ROCK1: variants seen among roughly 807,000 people sequenced by gnomAD.
ROCK1 encodes the protein rho-associated protein kinase 1.
Under a neutral mutation model 196.8 loss-of-function variants are expected in ROCK1, and 36 were observed. The observed-to-expected ratio is 0.18, with a 90% confidence interval of 0.14 to 0.24. The LOEUF is 0.24. Among genes scored for constraint, ROCK1 ranks in the 10% least tolerant of loss-of-function variants. ROCK1 has a pLI of 1.00. For synonymous variants in ROCK1, 443 were observed against 515.9 expected (o/e 0.86, Z 1.91); for missense variants, 920 against 1,562.0 (o/e 0.59, Z 6.93).
intron 2 of ROCK1, among the ~76,000 whole-genome samples, chr18:21,067,865 CTT>C (rs1266993894): frequency 6.6e-6 from 1 of 152,098 alleles, no homozygotes; most frequent in Non-Finnish European, 1.5e-5. Flanking sequence ...ACATTTTTAA[CTT>C]TTATATTTTC....
At chr18:21,018,951 G>A (rs1450198632) in intron 12 of ROCK1, among the ~76,000 whole-genome samples, 1 of 152,006 alleles carries the variant, frequency 6.6e-6, no homozygotes. Flanking sequence ...AAATAAACGT[G>A]AGCATAACTC....
chr18:21,008,928 G>A (rs1437896672), intron 13 of ROCK1, among the ~76,000 whole-genome samples: 2 of 152,130 alleles, frequency 1.3e-5, no homozygotes, highest in Non-Finnish European at 2.9e-5. Flanking sequence ...ACTGGTATAA[G>A]GAGTGTATGA....
chr18:21,026,221 G>C lies in ROCK1; in HGVS notation c.1212-2541C>G, dbSNP rs191854351. Among the ~76,000 whole-genome samples, 13 of 152,176 alleles carry C rather than the reference G, an allele frequency of 8.5e-5. No homozygotes were observed. In the East Asian group the frequency reaches 2.5e-3, roughly 29 times the overall value. ...GCACTTTGGGAGGCCAAGGTGGGCG[G>C]ATCACCTGAGGTCGGGAGTTCGAGA... On this transcript the variant is annotated intron_variant, in intron 10 of 32. Coordinates refer to ENST00000399799, the MANE Select transcript of ROCK1 (RefSeq NM_005406.3).
intron 27 of ROCK1, among the ~76,000 whole-genome samples, chr18:20,960,990 T>C (rs533725264): frequency 1.3e-5 from 2 of 152,278 alleles, no homozygotes; most frequent in East Asian, 3.9e-4. Context: ...TTTCAACTAG[T>C]ACGTGCATAC....
rs2036752430 is a variant in ROCK1 at position 21,111,546 on chromosome 18, G to A, written c.-636C>T. The A allele has an allele frequency of 5.8e-6, 1 of 171,282 alleles. No individual in the cohort carries two copies. Among genetic ancestry groups the A allele is most frequent in the Non-Finnish European group, 1.2e-5 (1 of 81,460 alleles). The allele number at this position is 171,282 out of a possible 1,614,324, so 10.6% of individuals were successfully genotyped here. ...TCCCATTTTGTCCCGTCGCTGCTGGGGCTGCTGCTACGGTGTCCGGTGGGG... is the reference window on the plus strand; with the variant it reads ...TCCCATTTTGTCCCGTCGCTGCTGGAGCTGCTGCTACGGTGTCCGGTGGGG... On this transcript the variant is annotated 5_prime_UTR_variant, in exon 1 of 33. Coordinates refer to ENST00000399799, the MANE Select transcript of ROCK1 (RefSeq NM_005406.3). The surrounding 1 kb of genome is among the most constrained non-coding windows in gnomAD (Gnocchi z 4.2).
intron 2 of ROCK1, among the ~76,000 whole-genome samples, chr18:21,068,536 C>T (rs1402170074): frequency 1.3e-5 from 2 of 152,116 alleles, no homozygotes; most frequent in East Asian, 1.9e-4. Flanking sequence ...TGAGAATATA[C>T]GGACTCTATA....
chr18:21,035,977 G>A (rs1414047532), intron 9 of ROCK1, among the ~76,000 whole-genome samples: 1 of 152,152 alleles, frequency 6.6e-6, no homozygotes, highest in Admixed American at 6.5e-5. Flanking sequence ...ACACAGTAGA[G>A]GTAATAGTTT....
intron 18 of ROCK1, among the ~76,000 whole-genome samples, chr18:20,987,893 A>G (rs1481745710): frequency 6.6e-6 from 1 of 152,070 alleles, no homozygotes; most frequent in Non-Finnish European, 1.5e-5. Flanking sequence ...TCCATCCACT[A>G]TGTTCTTCTG....
At chr18:21,054,965 C>G (rs1026790399) in intron 2 of ROCK1, among the ~76,000 whole-genome samples, 1 of 152,152 alleles carries the variant, frequency 6.6e-6, no homozygotes, top group African/African-American at 2.4e-5. Context: ...CCAACCCCAC[C>G]AGGACCTCCA....
chr18:21,093,059 C>T (rs754205613), intron 1 of ROCK1, among the ~76,000 whole-genome samples: 5 of 152,214 alleles, frequency 3.3e-5, no homozygotes, highest in Admixed American at 6.5e-5. Flanking sequence ...GCACATGATG[C>T]AGACCTATGC....
At chr18:21,058,684 A>C (rs940554292) in intron 2 of ROCK1, among the ~76,000 whole-genome samples, 1 of 152,094 alleles carries the variant, frequency 6.6e-6, no homozygotes, top group Non-Finnish European at 1.5e-5. Flanking sequence ...AGTTCAAGCG[A>C]TTCTCCCACC....
At chr18:20,996,699 G>A (rs1360405702) in intron 16 of ROCK1, among the ~76,000 whole-genome samples, 1 of 152,108 alleles carries the variant, frequency 6.6e-6, no homozygotes, top group South Asian at 2.1e-4. Flanking sequence ...TGGGTAGAGA[G>A]ACTAAAAGAA....
chr18:20,952,004 G>A (rs958104412), intron 32 of ROCK1, among the ~76,000 whole-genome samples: 9 of 152,122 alleles, frequency 5.9e-5, no homozygotes, highest in Non-Finnish European at 1.3e-4. Flanking sequence ...GTGTGATTGA[G>A]CAAACTGCTT....
chr18:21,077,306 C>T (rs1247147515), intron 1 of ROCK1, among the ~76,000 whole-genome samples: 1 of 152,166 alleles, frequency 6.6e-6, no homozygotes, highest in Non-Finnish European at 1.5e-5. Flanking sequence ...AGGTAGCAGA[C>T]TGGTTCCTCC....
chr18:21,047,785 G>C (rs1598543003), intron 4 of ROCK1, among the ~76,000 whole-genome samples: 2 of 149,858 alleles, frequency 1.3e-5, no homozygotes, highest in Admixed American at 1.3e-4. Flanking sequence ...GCGACAGAGC[G>C]AGACTCCGTC....
At chr18:21,035,662 T>C (rs927991962) in intron 9 of ROCK1, among the ~76,000 whole-genome samples, 3 of 152,218 alleles carry the variant, frequency 2.0e-5, no homozygotes, top group African/African-American at 7.2e-5. Flanking sequence ...TACTGTTTGT[T>C]ATTCACAATA....
chr18:20,981,147 C>A (rs966992774), intron 21 of ROCK1, among the ~76,000 whole-genome samples: 1 of 151,994 alleles, frequency 6.6e-6, no homozygotes, highest in African/African-American at 2.4e-5. Flanking sequence ...GTAATTCCAG[C>A]ACTTTGGGAG....
intron 16 of ROCK1, among the ~76,000 whole-genome samples, chr18:21,005,302 T>C (rs542002583): frequency 6.6e-6 from 1 of 152,238 alleles, no homozygotes; most frequent in Non-Finnish European, 1.5e-5. Context: ...CATTCCCAAG[T>C]ATCTAACTTT....
At chr18:20,974,532 C>T (rs1568372123) in intron 22 of ROCK1, among the ~76,000 whole-genome samples, 3 of 152,144 alleles carry the variant, frequency 2.0e-5, no homozygotes. Context: ...AGAGAAAAAG[C>T]AAGAAAGAAT....
Sources: allele counts gnomAD v4.1 joint callset (sites outside exome capture counted in the v4.1 genomes callset), GRCh38; gene constraint gnomAD v4.1.1; non-coding constraint Gnocchi (gnomAD v3.1); transcripts MANE v1.5; gene names NCBI Gene and HGNC (gene_info 2026-07-23, HGNC 2026-07-21).